Variants in MASTL observed in about 807,000 individuals in gnomAD.
MASTL encodes microtubule associated serine/threonine kinase like, also known as serine/threonine-protein kinase greatwall.
In MASTL, 54 loss-of-function variants were observed where a neutral mutation model predicts 82.5. The ratio of observed to expected loss-of-function variants is 0.65; its 90% CI spans 0.53 to 0.82. MASTL has a LOEUF of 0.82. Among genes scored for constraint, MASTL ranks in the 40% least tolerant of loss-of-function variants. MASTL has a pLI of 0.00. For synonymous variants in MASTL, 323 were observed against 368.9 expected, an observed-to-expected ratio of 0.88 and a Z score of 1.43; for missense variants, 950 against 1,047.8, an observed-to-expected ratio of 0.91 and a Z score of 1.29.
Position 27,180,941 on chromosome 10 carries a change from C to T in MASTL, c.2267-12C>T, listed in dbSNP as rs766129846. The T allele has an allele frequency of 6.5e-7, 1 of 1,547,624 alleles. No homozygotes were observed. The highest frequency in any genetic ancestry group is 1.1e-5 in the South Asian group (1 of 89,762). Reference sequence around the variant, plus strand: ...ATGCTTGCAACTTTAGCTGTTTCCTCTTCGATTACAGGTCCTGCGGTAGAC... The same window carrying T: ...ATGCTTGCAACTTTAGCTGTTTCCTTTTCGATTACAGGTCCTGCGGTAGAC... On this transcript the variant is annotated splice_polypyrimidine_tract_variant and intron_variant, in intron 9 of 11. Transcript: ENST00000375940.
intron 1 of MASTL, among the ~76,000 whole-genome samples, chr10:27,157,849 A>T (rs1395470797): frequency 6.6e-6 from 1 of 151,382 alleles, no homozygotes; most frequent in African/African-American, 2.4e-5. Context: ...TTCTATCCCC[A>T]TCTATCAAAA....
chr10:27,179,833 T>A (rs11015588), intron 9 of MASTL, among the ~76,000 whole-genome samples: 8 of 151,942 alleles, frequency 5.3e-5, no homozygotes, highest in African/African-American at 1.9e-4. Flanking sequence ...ATACCTTGTG[T>A]GGGATACAGA....
rs1338344001 is a variant in MASTL, at chr10:27,157,395, AAC to A, written c.187-1148_187-1147del. Among the ~76,000 whole-genome samples the A allele has an allele frequency of 3.3e-5, 5 of 152,340 alleles. No individual in the cohort carries two copies. In the East Asian group the frequency reaches 9.6e-4, roughly 29 times the overall value. ...CGAACTGGACAACAATGGGGAACAA[AAC>A]ACACATGCCCTCATAGCCAGTGGAA... On this transcript the variant is annotated intron_variant, in intron 1 of 11. Transcript: ENST00000375940.
intron 7 of MASTL, among the ~76,000 whole-genome samples, chr10:27,167,987 AG>A (rs370800096): frequency 2.1e-3 from 313 of 152,348 alleles, no homozygotes; most frequent in African/African-American, 7.3e-3. Context: ...GAGATACTAA[AG>A]GTGGTAGGAA....
chr10:27,169,347 G>C (rs56163609), intron 7 of MASTL, among the ~76,000 whole-genome samples: 1 of 151,962 alleles, frequency 6.6e-6, no homozygotes. Context: ...TGGATCACCT[G>C]AGGTCAGGAA....
chr10:27,159,473 T>A lies in MASTL; in HGVS notation c.325-146T>A. On this transcript the variant is annotated intron_variant, in intron 2 of 11. Transcript: ENST00000375940. The surrounding 1 kb of genome is among the most constrained non-coding windows in gnomAD (Gnocchi z 4.0). ...ACTGTTATGGCAACATGAATAAACC[T>A]AGTATTAATGTATTACGAGTAATAG... 1 of 615,448 alleles carries A rather than the reference T, an allele frequency of 1.6e-6. No homozygotes were observed. Among genetic ancestry groups the A allele is most frequent in the Non-Finnish European group, 2.9e-6 (1 of 350,114 alleles). The allele number at this position is 615,448 out of a possible 1,614,324, so 38.1% of individuals were successfully genotyped here.
In MASTL at chr10:27,158,556, A is replaced by G; in HGVS notation, c.194A>G (p.Lys65Arg). 1 of 1,601,778 alleles carries G rather than the reference A, an allele frequency of 6.2e-7. No homozygotes were observed. Among genetic ancestry groups the G allele is most frequent in the Non-Finnish European group, 8.6e-7 (1 of 1,168,810 alleles). ...GGKLYAVKVV[K>R]KADMINKNMT... Reference sequence around the variant, plus strand: ...TTATTTTATCTATTACAGGTTGTTAAAAAAGCAGACATGATCAACAAAAAT... The same window carrying G: ...TTATTTTATCTATTACAGGTTGTTAGAAAAGCAGACATGATCAACAAAAAT... Residue 65 changes from lysine (K) to arginine (R), a missense_variant, in exon 2 of 12, where the codon AAA becomes AGA. By Grantham distance (26) the Lys-to-Arg change is conservative. Transcript: ENST00000375940.
chr10:27,170,465 CTG>C lies in MASTL; in HGVS notation c.1509_1510del (p.Ala504Ter). 4 of 1,614,060 alleles carry C rather than the reference CTG, an allele frequency of 2.5e-6. No homozygotes were observed. Among genetic ancestry groups the C allele is most frequent in the Non-Finnish European group, 3.4e-6 (4 of 1,179,994 alleles). On this transcript the variant is annotated frameshift_variant, in exon 8 of 12. Coordinates refer to ENST00000375940, the MANE Select transcript of MASTL (RefSeq NM_001172303.3). LOFTEE classifies it high-confidence loss of function. ...CAGTGCACAAAAGTCAACAAAATGA[CTG>C]TGCTAATAAGGAGAACATTGTCAAT... Reference protein sequence around the residue: ...LSVHKSQQNDCANKENIVNSF... With the variant: ...LSVHKSQQNDXANKENIVNSF...
chr10:27,170,978 G>T lies in MASTL; in HGVS notation c.2019G>T (p.Met673Ile). The change falls in exon 8 of 12, where the codon ATG becomes ATT. Residue 673 changes from methionine (M) to isoleucine (I), a missense_variant. Physicochemically the swap from Met to Ile is conservative, Grantham distance 10. Transcript: ENST00000375940. ...NASNNSEPSR[M>I]NMTSLDAMDI... The stretch of plus-strand genomic sequence containing the variant: ...CCAATAACTCAGAACCATCCAGAAT[G>T]AACATGACTTCTTTAGATGCAATGG... 3.7e-6 allele frequency: 6 copies of T among 1,614,030 alleles called. No homozygotes were observed. Among genetic ancestry groups the T allele is most frequent in the African/African-American group, 1.3e-5 (1 of 75,042 alleles).
chr10:27,161,054 C>T (rs2057554700), intron 3 of MASTL, 40 bp from the exon 4 acceptor site: 1 of 1,242,754 alleles, frequency 8.0e-7, no homozygotes, highest in Non-Finnish European at 1.2e-6. Context: ...TAAAACTAGC[C>T]CTTTTTTGGT....
intron 4 of MASTL, 32 bp from the exon 5 acceptor site, chr10:27,165,032 A>G (rs2057696895): frequency 7.5e-7 from 1 of 1,337,216 alleles, no homozygotes. Context: ...AAGGTTTTAA[A>G]TACATTTATA....
At chr10:27,180,354 G>A (rs1445323041) in intron 9 of MASTL, among the ~76,000 whole-genome samples, 1 of 151,366 alleles carries the variant, frequency 6.6e-6, no homozygotes, top group African/African-American at 2.4e-5. Flanking sequence ...TAATGCCAAG[G>A]TTGCAGTGAG....
intron 11 of MASTL, among the ~76,000 whole-genome samples, chr10:27,183,872 C>T (rs913980624): frequency 1.3e-5 from 2 of 152,134 alleles, no homozygotes; most frequent in African/African-American, 4.8e-5. Context: ...CTACCACACC[C>T]AGCTAATTTT....
At chr10:27,184,554 A>ATTTTTTTTTTTTTTTTTTTTTTTTTTTT (rs752147433) in intron 11 of MASTL, among the ~76,000 whole-genome samples, 1 of 84,848 alleles carries the variant, frequency 1.2e-5, no homozygotes, top group Non-Finnish European at 2.1e-5. Flanking sequence ...TATAAGAAGG[A>ATTTTTTTTTTTTTTTTTTTTTTTTTTTT]TTTTTTTTTT....
At chr10:27,177,441 T>A (rs1193228563) in intron 9 of MASTL, among the ~76,000 whole-genome samples, 1 of 152,188 alleles carries the variant, frequency 6.6e-6, no homozygotes, top group Non-Finnish European at 1.5e-5. Context: ...ATCTTGCCAC[T>A]ATTTTAGTGA....
In MASTL at chr10:27,170,799, T is replaced by A. The variant is rs1246850402; in HGVS notation, c.1840T>A (p.Cys614Ser). ...IEDPLIVTPD[C>S]QEKTSPKGVE... is the part of the protein sequence containing the mutation. ...AGATCCACTTATTGTAACACCAGAT[T>A]GCCAAGAAAAGACCTCACCAAAAGG... is the stretch of plus-strand genomic sequence containing the variant. The change falls in exon 8 of 12, where the codon TGC becomes AGC. Residue 614 changes from cysteine to serine, a missense_variant. By Grantham distance (112) the Cys-to-Ser change is moderately radical. Coordinates refer to ENST00000375940, the MANE Select transcript of MASTL (RefSeq NM_001172303.3). The A allele has an allele frequency of 6.2e-7, 1 of 1,614,136 alleles. No homozygotes were observed. The highest frequency in any genetic ancestry group is 8.5e-7 in the Non-Finnish European group (1 of 1,180,014).
chr10:27,176,226 A>G (rs1390735687), intron 9 of MASTL, among the ~76,000 whole-genome samples: 1 of 152,156 alleles, frequency 6.6e-6, no homozygotes, highest in African/African-American at 2.4e-5. Context: ...AATCCAGCCA[A>G]TTAGATCTCT....
At chr10:27,168,866 T>C (rs890453313) in intron 7 of MASTL, among the ~76,000 whole-genome samples, 5 of 152,184 alleles carry the variant, frequency 3.3e-5, no homozygotes, top group Admixed American at 2.6e-4. Context: ...ACTAAGTTAA[T>C]GATAGTTAAT....
rs780928508 is a variant in MASTL, at chr10:27,165,035, C to T, written c.554-29C>T. On this transcript the variant is annotated intron_variant, in intron 4 of 11. Coordinates refer to ENST00000375940, the MANE Select transcript of MASTL (RefSeq NM_001172303.3). ...CAATGGGAGGTAAAGGTTTTAAATA[C>T]ATTTATATACTTTTCTTTGCATACA... The T allele has an allele frequency of 1.3e-4, 170 of 1,356,542 alleles. 1 individual carries two copies. The South Asian group carries it at 1.8e-3, about 14-fold the overall frequency. 84.0% of individuals were successfully genotyped at this position (1,356,542 alleles called of 1,614,324 possible). A position where few individuals can be genotyped will look rare whatever the true frequency, so the allele number is the denominator to read the frequency against.
Sources: allele counts gnomAD v4.1 joint callset (sites outside exome capture counted in the v4.1 genomes callset), GRCh38; gene constraint gnomAD v4.1.1; non-coding constraint Gnocchi (gnomAD v3.1); transcripts MANE v1.5; gene names NCBI Gene and HGNC (gene_info 2026-07-23, HGNC 2026-07-21).